The following KIAA1549L variants were observed in gnomAD, a reference collection of about 807,000 sequenced individuals.
KIAA1549L encodes the protein KIAA1549 like.
KIAA1549L carries 88 observed loss-of-function variants against 160.7 expected under a neutral mutation model. That is an observed-to-expected ratio of 0.55 (90% confidence interval 0.46 to 0.65). The LOEUF (loss-of-function observed/expected upper bound fraction) is 0.65, where lower values mean the gene tolerates loss of function less well. Among genes scored for constraint, KIAA1549L ranks in the 30% least tolerant of loss-of-function variants. KIAA1549L has a pLI of 0.00. For missense variants in KIAA1549L, 2,258 were observed against 2,437.5 expected (o/e 0.93, Z 1.55); for synonymous variants, 950 against 976.7 (o/e 0.97, Z 0.51).
chr11:33,491,399 A>G (rs1053869114), intron 1 of KIAA1549L, among the ~76,000 whole-genome samples: 3 of 152,166 alleles, frequency 2.0e-5, no homozygotes, highest in Non-Finnish European at 2.9e-5. Context: ...GCTAACGTTA[A>G]TTTGTTAGGG....
intron 15 of KIAA1549L, among the ~76,000 whole-genome samples, 174 bp downstream of exon 15, chr11:33,610,140 G>A (rs1176787137): frequency 1.3e-5 from 2 of 151,710 alleles, no homozygotes; most frequent in Non-Finnish European, 2.9e-5. Flanking sequence ...GAGTCTGAAA[G>A]AGAGTAACAT....
intron 3 of KIAA1549L, among the ~76,000 whole-genome samples, chr11:33,547,446 ATGT>A (rs1854302702): frequency 6.6e-6 from 1 of 152,150 alleles, no homozygotes; most frequent in Non-Finnish European, 1.5e-5. Flanking sequence ...CTGTCCATGA[ATGT>A]TGTTGCAGGA....
chr11:33,485,099 C>A (rs972686274), intron 1 of KIAA1549L, among the ~76,000 whole-genome samples: 5 of 152,140 alleles, frequency 3.3e-5, no homozygotes, highest in African/African-American at 1.2e-4. Context: ...AACCTTAGGA[C>A]ACAAGTTGGG....
chr11:33,400,830 C>T (rs1850483895), intron 1 of KIAA1549L, among the ~76,000 whole-genome samples: 1 of 152,180 alleles, frequency 6.6e-6, no homozygotes, highest in South Asian at 2.1e-4. Flanking sequence ...GGCATTTAAT[C>T]TTCACAGACC....
At chr11:33,530,471 ATATATATATATATG>A (rs1853742666) in intron 1 of KIAA1549L, among the ~76,000 whole-genome samples, 1 of 105,266 alleles carries the variant, frequency 9.5e-6, no homozygotes, top group African/African-American at 3.4e-5. Flanking sequence ...ATATATATAT[ATATATATATATATG>A]CAAGATTTGC....
intron 14 of KIAA1549L, among the ~76,000 whole-genome samples, chr11:33,607,508 G>C (rs540975266): frequency 8.1e-4 from 123 of 152,332 alleles, no homozygotes; most frequent in Non-Finnish European, 1.5e-3. Context: ...GATTGCAAAT[G>C]TTTATGAACT....
chr11:33,413,302 G>C (rs1850820117), intron 1 of KIAA1549L, among the ~76,000 whole-genome samples: 1 of 150,506 alleles, frequency 6.6e-6, no homozygotes, highest in Non-Finnish European at 1.5e-5. Flanking sequence ...GGCTGGGCGT[G>C]GTGGCATGTA....
At chr11:33,391,747 A>G (rs1290438372) in intron 1 of KIAA1549L, among the ~76,000 whole-genome samples, 1 of 152,194 alleles carries the variant, frequency 6.6e-6, no homozygotes, top group Non-Finnish European at 1.5e-5. Context: ...AAGTGTCAAC[A>G]GTGTGGATCT....
At chr11:33,563,858 TA>T (rs1487465569) in intron 8 of KIAA1549L, among the ~76,000 whole-genome samples, 3 of 152,222 alleles carry the variant, frequency 2.0e-5, no homozygotes, top group Non-Finnish European at 4.4e-5. Context: ...CATTAAATGA[TA>T]ACTCATTCAC....
intron 16 of KIAA1549L, among the ~76,000 whole-genome samples, chr11:33,623,331 G>A (rs917075143): frequency 6.6e-6 from 1 of 152,010 alleles, no homozygotes; most frequent in African/African-American, 2.4e-5. Flanking sequence ...CCCTGACCTC[G>A]GTGCTCTTGT....
chr11:33,484,289 T>C (rs1415571343), intron 1 of KIAA1549L, among the ~76,000 whole-genome samples: 1 of 152,212 alleles, frequency 6.6e-6, no homozygotes, highest in Non-Finnish European at 1.5e-5. Flanking sequence ...AAATGGAGAA[T>C]GTTGTCTTAA....
At chr11:33,399,182 A>G (rs537444117) in intron 1 of KIAA1549L, among the ~76,000 whole-genome samples, 1 of 152,178 alleles carries the variant, frequency 6.6e-6, no homozygotes, top group Admixed American at 6.5e-5. Flanking sequence ...CGAACTCCTG[A>G]CCTCAAGTGA....
At chr11:33,519,743 A>G (rs1164000058) in intron 1 of KIAA1549L, among the ~76,000 whole-genome samples, 1 of 152,180 alleles carries the variant, frequency 6.6e-6, no homozygotes, top group Non-Finnish European at 1.5e-5. Flanking sequence ...CCATCATTTA[A>G]AAAGTCTTCA....
intron 1 of KIAA1549L, among the ~76,000 whole-genome samples, chr11:33,413,983 T>G (rs922451315): frequency 1.3e-5 from 2 of 152,174 alleles, no homozygotes. Context: ...GTGTAAGAAT[T>G]GGAATCTCCA....
chr11:33,387,943 G>C (rs904299061), intron 1 of KIAA1549L, among the ~76,000 whole-genome samples: 2 of 152,182 alleles, frequency 1.3e-5, no homozygotes, highest in African/African-American at 4.8e-5. Flanking sequence ...TTTTCCCACA[G>C]TTTGCTGTCA....
intron 1 of KIAA1549L, among the ~76,000 whole-genome samples, chr11:33,421,082 C>A (rs926454884): frequency 1.3e-4 from 20 of 152,198 alleles, no homozygotes; most frequent in Admixed American, 3.9e-4. Context: ...CTGGAAAAGT[C>A]TCTCTGGAGG....
chr11:33,651,096 T>G (rs1490073025), intron 17 of KIAA1549L, among the ~76,000 whole-genome samples: 1 of 152,230 alleles, frequency 6.6e-6, no homozygotes, highest in Non-Finnish European at 1.5e-5. Context: ...ACCTCGCTTC[T>G]TTGAAATCTC....
rs774698091 is a variant in KIAA1549L at position 33,542,995 on chromosome 11, A to C, written c.1432A>C (p.Thr478Pro). The C allele has an allele frequency of 4.3e-6, 7 of 1,613,828 alleles. No individual in the cohort carries two copies. The highest frequency in any genetic ancestry group is 5.9e-6 in the Non-Finnish European group (7 of 1,179,888). ...SSLVPSLHIT[T>P]LGQEQAILSG... Reference sequence around the variant, plus strand: ...TTTGGTGCCTTCTCTGCATATCACCACACTGGGTCAAGAGCAAGCCATCCT... The same window carrying C: ...TTTGGTGCCTTCTCTGCATATCACCCCACTGGGTCAAGAGCAAGCCATCCT... Residue 478 changes from threonine to proline, a missense_variant, in exon 2 of 21, where the codon ACA becomes CCA. Physicochemically the swap from Thr to Pro is conservative, Grantham distance 38. Transcript: ENST00000658780.
intron 17 of KIAA1549L, among the ~76,000 whole-genome samples, chr11:33,649,343 GAAAAAAAAAA>G (rs545884059): frequency 3.9e-5 from 4 of 102,778 alleles, no homozygotes; most frequent in Non-Finnish European, 7.4e-5. Flanking sequence ...CTCTACGGGG[GAAAAAAAAAA>G]AAAAAAAAAA....
Sources: gnomAD v4.1 joint callset for allele counts (sites outside exome capture counted in the v4.1 genomes callset) on GRCh38, gnomAD v4.1.1 for gene constraint, MANE v1.5 for transcripts, NCBI Gene and HGNC (gene_info 2026-07-23, HGNC 2026-07-21) for gene names.